MBD5: variants seen among roughly 807,000 people sequenced by gnomAD.
MBD5 encodes methyl-CpG binding domain protein 5, also known as methyl-CpG-binding domain protein 5.
A neutral mutation model predicts 117.3 loss-of-function variants in MBD5; 13 were observed. The observed-to-expected ratio is 0.11, with a 90% CI of 0.07 to 0.18. The LOEUF (loss-of-function observed/expected upper bound fraction) is 0.18. MBD5 is among the 10% of genes least tolerant of loss of function. MBD5 has a pLI of 1.00. For synonymous variants in MBD5, 727 were observed against 766.4 expected, an observed-to-expected ratio of 0.95 and a Z score of 0.85; for missense variants, 1,879 against 2,093.8, an observed-to-expected ratio of 0.90 and a Z score of 2.00.
chr2:148,227,908 CTCTG>C (rs1699876197), intron 2 of MBD5, among the ~76,000 whole-genome samples: 1 of 151,798 alleles, frequency 6.6e-6, no homozygotes, highest in South Asian at 2.1e-4. Flanking sequence ...TGATTTGGCT[CTCTG>C]TCTGTTATTG....
intron 1 of MBD5, among the ~76,000 whole-genome samples, chr2:148,038,189 A>G (rs547028687): frequency 2.6e-5 from 4 of 152,180 alleles, no homozygotes; most frequent in African/African-American, 9.6e-5. Flanking sequence ...GGATGCCTAG[A>G]AAGTTCAACC....
chr2:148,467,046 T>C (rs540057108), intron 7 of MBD5, among the ~76,000 whole-genome samples: 1 of 152,274 alleles, frequency 6.6e-6, no homozygotes, highest in Non-Finnish European at 1.5e-5. Flanking sequence ...TCAAAATAGG[T>C]ATGGCAGGAT....
intron 4 of MBD5, among the ~76,000 whole-genome samples, chr2:148,400,774 C>T (rs966051828): frequency 6.6e-6 from 1 of 152,046 alleles, no homozygotes; most frequent in African/African-American, 2.4e-5. Flanking sequence ...TTTTTTATGT[C>T]ATATACTATA....
intron 4 of MBD5, among the ~76,000 whole-genome samples, chr2:148,413,907 C>CT (rs962585551): frequency 4.5e-4 from 55 of 122,424 alleles, no homozygotes; most frequent in East Asian, 6.6e-4. Context: ...TACTTATTTT[C>CT]TAAAAAAAAA....
At chr2:148,496,011 A>G (rs1574491714) in intron 11 of MBD5, among the ~76,000 whole-genome samples, 2 of 152,168 alleles carry the variant, frequency 1.3e-5, no homozygotes, top group East Asian at 3.8e-4. Flanking sequence ...TTTTACTTTG[A>G]AGAATGTTCT....
intron 4 of MBD5, among the ~76,000 whole-genome samples, chr2:148,451,276 G>A (rs1037255278): frequency 2.0e-5 from 3 of 152,110 alleles, no homozygotes; most frequent in Non-Finnish European, 4.4e-5. Flanking sequence ...AGAAGTGACT[G>A]CACAGTGAAG....
At chr2:148,429,964 T>A (rs1705933324) in intron 4 of MBD5, among the ~76,000 whole-genome samples, 1 of 152,168 alleles carries the variant, frequency 6.6e-6, no homozygotes, top group South Asian at 2.1e-4. Flanking sequence ...CTGCACATTC[T>A]GCACATGTAC....
intron 3 of MBD5, among the ~76,000 whole-genome samples, chr2:148,247,034 AT>A (rs1700353577): frequency 6.6e-6 from 1 of 152,148 alleles, no homozygotes; most frequent in Non-Finnish European, 1.5e-5. Context: ...GCAACACCAA[AT>A]AGTTATAATT....
Position 148,021,438 on chromosome 2 carries a change from C to T in MBD5, c.-1171C>T. 1 of 562,536 alleles carries T rather than the reference C, an allele frequency of 1.8e-6. No homozygotes were observed. The highest frequency in any genetic ancestry group is 3.4e-6 in the Non-Finnish European group (1 of 291,866). 34.8% of individuals were successfully genotyped at this position (562,536 alleles called of 1,614,324 possible). A position where few individuals can be genotyped will look rare whatever the true frequency, so the allele number is the denominator to read the frequency against. ...GAGAAAGAAACCAAAAGCCTCTTAG[C>T]AACACAGACCCTTTGCTGCTGCTGT... On this transcript the variant is annotated 5_prime_UTR_variant, in exon 1 of 14. Transcript: ENST00000642680.
chr2:148,326,661 CTG>C (rs1559024400), intron 3 of MBD5, among the ~76,000 whole-genome samples: 1 of 151,608 alleles, frequency 6.6e-6, no homozygotes, highest in Non-Finnish European at 1.5e-5. Flanking sequence ...ATTGCAACCC[CTG>C]CCTTTTTTTG....
chr2:148,055,429 T>A (rs901987587), intron 1 of MBD5: 4 of 151,248 alleles, frequency 2.6e-5, no homozygotes, highest in Non-Finnish European at 5.9e-5. Context: ...TTTTTTTTTT[T>A]TTTCTTTTTT....
intron 1 of MBD5, among the ~76,000 whole-genome samples, chr2:148,083,576 A>G (rs1695702281): frequency 2.0e-5 from 3 of 152,094 alleles, no homozygotes; most frequent in Admixed American, 1.3e-4. Flanking sequence ...TCAAGGTCCT[A>G]TATTACACCC....
At chr2:148,479,717 G>GTTT (rs1208214943) in intron 8 of MBD5, among the ~76,000 whole-genome samples, 1 of 57,206 alleles carries the variant, frequency 1.7e-5, no homozygotes, top group Non-Finnish European at 5.5e-5. Flanking sequence ...TTATGTCTTT[G>GTTT]TTGTTTTTTT....
chr2:148,414,415 C>T (rs766671867), intron 4 of MBD5, among the ~76,000 whole-genome samples: 1 of 152,054 alleles, frequency 6.6e-6, no homozygotes, highest in Non-Finnish European at 1.5e-5. Flanking sequence ...GTGCCATGTG[C>T]ATATGAGAAG....
intron 8 of MBD5, among the ~76,000 whole-genome samples, chr2:148,480,753 C>T (rs1681123104): frequency 6.6e-6 from 1 of 151,886 alleles, no homozygotes; most frequent in Non-Finnish European, 1.5e-5. Context: ...ATGCCTACTT[C>T]AGTATTTGGT....
chr2:148,152,535 G>A (rs1697710650), intron 1 of MBD5, among the ~76,000 whole-genome samples: 1 of 151,646 alleles, frequency 6.6e-6, no homozygotes, highest in African/African-American at 2.4e-5. Context: ...TGTTGACAGT[G>A]GGGTGTTAAA....
At chr2:148,115,776 A>G (rs1241545787) in intron 1 of MBD5, among the ~76,000 whole-genome samples, 7 of 152,172 alleles carry the variant, frequency 4.6e-5, no homozygotes, top group African/African-American at 1.7e-4. Flanking sequence ...AACAAAGAAC[A>G]TCTCTACTGC....
chr2:148,293,401 A>T (rs557270790), intron 3 of MBD5, among the ~76,000 whole-genome samples: 2 of 152,206 alleles, frequency 1.3e-5, no homozygotes, highest in East Asian at 1.9e-4. Context: ...GTAATGGTTT[A>T]TATCTCAAAG....
chr2:148,489,993 A>G lies in MBD5; in HGVS notation c.4361A>G (p.His1454Arg), dbSNP rs1425650317. The G allele has an allele frequency of 1.2e-6, 2 of 1,614,080 alleles. No homozygotes were observed. Among genetic ancestry groups the G allele is most frequent in the African/African-American group, 2.7e-5 (2 of 75,018 alleles). The change falls in exon 11 of 14, where the codon CAT (histidine) becomes CGT (arginine). Residue 1454 changes from histidine to arginine, a missense_variant. This residue lies in a region of MBD5 where 1,666 missense variants were observed against 1,792.2 expected (regional missense o/e 0.93). Transcript: ENST00000642680. ...GAGGAATTTTTAGATCATCCAGGCCATATCCACAGTAGTCCTTGTCATGAA... is the reference window on the plus strand; with the variant it reads ...GAGGAATTTTTAGATCATCCAGGCCGTATCCACAGTAGTCCTTGTCATGAA... The part of the protein sequence containing the change: ...KYEEFLDHPG[H>R]IHSSPCHERP...
Sources: allele counts gnomAD v4.1 joint callset (sites outside exome capture counted in the v4.1 genomes callset), GRCh38; gene constraint gnomAD v4.1.1; regional missense constraint gnomAD v4.1.1; transcripts MANE v1.5; gene names NCBI Gene and HGNC (gene_info 2026-07-23, HGNC 2026-07-21).